The following SLC2A12 variants were observed in gnomAD, a reference collection of about 807,000 sequenced individuals.
The protein encoded by SLC2A12 is solute carrier family 2 member 12, also known as solute carrier family 2, facilitated glucose transporter member 12.
SLC2A12 carries 23 observed loss-of-function variants against 41.8 expected under a neutral mutation model. The observed-to-expected ratio is 0.55, with a 90% CI of 0.40 to 0.78. The LOEUF is 0.78. Among genes scored for constraint, SLC2A12 ranks in the 30% least tolerant of loss-of-function variants. The pLI, the probability that SLC2A12 is intolerant of heterozygous loss-of-function variation, is 0.00. For synonymous variants in SLC2A12, 295 were observed against 285.9 expected (o/e 1.03, Z -0.32); for missense variants, 654 against 745.6 (o/e 0.88, Z 1.43).
chr6:134,010,618 G>T (rs754762887), intron 2 of SLC2A12, among the ~76,000 whole-genome samples: 24 of 152,028 alleles, frequency 1.6e-4, no homozygotes, highest in East Asian at 3.9e-4. Flanking sequence ...TTGGACTTGT[G>T]GGGGGGCGGA....
rs140524619 is a variant in SLC2A12 at position 134,025,090 on chromosome 6, A to G, written c.1444+3291T>C. On this transcript the variant is annotated intron_variant, in intron 2 of 4. Coordinates refer to ENST00000275230, the MANE Select transcript of SLC2A12 (RefSeq NM_145176.3). Reference sequence around the variant, plus strand: ...TCAGAAAAGCAGAGACTATTTCTCTATTTTGCAAAATGCACAATGGTCCAT... The same window carrying G: ...TCAGAAAAGCAGAGACTATTTCTCTGTTTTGCAAAATGCACAATGGTCCAT... Among the ~76,000 whole-genome samples, 12 of 152,334 alleles carry G rather than the reference A, an allele frequency of 7.9e-5. No individual in the cohort carries two copies. In the East Asian group the frequency reaches 2.1e-3, roughly 27 times the overall value.
intron 2 of SLC2A12, among the ~76,000 whole-genome samples, chr6:134,024,071 G>A (rs1331667132): frequency 6.6e-6 from 1 of 152,200 alleles, no homozygotes; most frequent in Non-Finnish European, 1.5e-5. Context: ...CCCTGCTGCC[G>A]ATCACTGGTT....
chr6:133,997,085 CAAAAAAAAAAAAAAA>C (rs58295985), intron 4 of SLC2A12, among the ~76,000 whole-genome samples: 4 of 70,710 alleles, frequency 5.7e-5, no homozygotes, highest in South Asian at 1.5e-3. Flanking sequence ...ACTAAAAATA[CAAAAAAAAAAAAAAA>C]AAAAAAAAAA....
intron 1 of SLC2A12, among the ~76,000 whole-genome samples, chr6:134,040,058 G>GTTTTTTTTTTTTTTTTTT (rs11371413): frequency 7.9e-5 from 11 of 139,312 alleles, no homozygotes; most frequent in Non-Finnish European, 1.1e-4. Context: ...GTTGTTTTTT[G>GTTTTTTTTTTTTTTTTTT]TTTTTTTTTT....
chr6:134,039,978 C>T (rs542146888), intron 1 of SLC2A12, among the ~76,000 whole-genome samples: 1 of 152,244 alleles, frequency 6.6e-6, no homozygotes, highest in East Asian at 1.9e-4. Context: ...CACTATGCTT[C>T]CTGAATAACC....
chr6:134,032,426 T>TATATTTATA (rs1777223371), intron 1 of SLC2A12, among the ~76,000 whole-genome samples: 1 of 35,506 alleles, frequency 2.8e-5, no homozygotes, highest in African/African-American at 1.2e-4. Context: ...ATATATATAT[T>TATATTTATA]TATATATATA....
chr6:134,033,523 A>G (rs757923362), intron 1 of SLC2A12, among the ~76,000 whole-genome samples: 7 of 152,060 alleles, frequency 4.6e-5, no homozygotes, highest in Admixed American at 1.3e-4. Context: ...TGTTTTGGCA[A>G]TTGAGGACTG....
intron 1 of SLC2A12, among the ~76,000 whole-genome samples, chr6:134,048,082 CT>C (rs924405584): frequency 3.3e-5 from 5 of 152,224 alleles, no homozygotes; most frequent in African/African-American, 1.2e-4. Flanking sequence ...TGTTCGCAGC[CT>C]TTTCCCTTCC....
chr6:134,044,240 C>T (rs757870525), intron 1 of SLC2A12, among the ~76,000 whole-genome samples: 5 of 152,168 alleles, frequency 3.3e-5, no homozygotes, highest in Non-Finnish European at 7.3e-5. Context: ...TTCCTGATCC[C>T]TCATCGCTCT....
At chr6:134,023,372 G>A (rs187485254) in intron 2 of SLC2A12, among the ~76,000 whole-genome samples, 1 of 152,184 alleles carries the variant, frequency 6.6e-6, no homozygotes, top group Non-Finnish European at 1.5e-5. Flanking sequence ...CCAGAGCATC[G>A]CTCCGAGTGG....
chr6:133,995,123 C>A (rs536511238), intron 4 of SLC2A12, among the ~76,000 whole-genome samples: 26 of 152,274 alleles, frequency 1.7e-4, no homozygotes, highest in African/African-American at 6.0e-4. Flanking sequence ...ATATAGACAA[C>A]GCTTTAGAAA....
chr6:134,032,596 T>C (rs1161732759), intron 1 of SLC2A12, among the ~76,000 whole-genome samples: 2 of 146,516 alleles, frequency 1.4e-5, no homozygotes, highest in South Asian at 2.1e-4. Flanking sequence ...TCTTCCCTAT[T>C]ATATGCTTTA....
chr6:134,044,242 C>T (rs890589211), intron 1 of SLC2A12, among the ~76,000 whole-genome samples: 2 of 152,200 alleles, frequency 1.3e-5, no homozygotes, highest in African/African-American at 4.8e-5. Flanking sequence ...CCTGATCCCT[C>T]ATCGCTCTCC....
At chr6:133,993,552 T>A (rs1328084449) in intron 4 of SLC2A12, among the ~76,000 whole-genome samples, 1 of 152,224 alleles carries the variant, frequency 6.6e-6, no homozygotes, top group African/African-American at 2.4e-5. Context: ...GTTCCAAGTG[T>A]TGGGAAACAA....
chr6:134,040,058 GTTTTT>G (rs11371413), intron 1 of SLC2A12, among the ~76,000 whole-genome samples: 1 of 139,332 alleles, frequency 7.2e-6, no homozygotes, highest in Non-Finnish European at 1.5e-5. Context: ...GTTGTTTTTT[GTTTTT>G]TTTTTTTTGT....
rs780040439 is a variant in SLC2A12 at position 134,029,720 on chromosome 6, G to A, written c.105C>T (p.Gly35=). ...ATGACAGGAAGGTAAACATGCCGCAGCCTGCAAGCAGAGAGAAGAGACAGG... is the reference window on the plus strand; with the variant it reads ...ATGACAGGAAGGTAAACATGCCGCAACCTGCAAGCAGAGAGAAGAGACAGG... ...SGSRHPPWAR[G]CGMFTFLSSV... Residue 35 remains glycine (G), a splice_region_variant and synonymous_variant, in exon 2 of 5, where the codon GGC becomes GGT. Transcript: ENST00000275230. The A allele has an allele frequency of 2.5e-6, 4 of 1,592,060 alleles. No homozygotes were observed. The Admixed American group carries it at 5.0e-5, about 20-fold the overall frequency.
intron 2 of SLC2A12, among the ~76,000 whole-genome samples, chr6:134,024,534 G>T (rs1375545511): frequency 6.6e-6 from 1 of 152,158 alleles, no homozygotes; most frequent in Non-Finnish European, 1.5e-5. Context: ...ATCATTCACA[G>T]CAGTCCTAAT....
intron 1 of SLC2A12, among the ~76,000 whole-genome samples, chr6:134,050,778 C>T (rs1773671093): frequency 6.6e-6 from 1 of 152,170 alleles, no homozygotes; most frequent in Non-Finnish European, 1.5e-5. Flanking sequence ...AACTTTGCAA[C>T]TCTTTCCCTT....
intron 2 of SLC2A12, among the ~76,000 whole-genome samples, chr6:134,018,998 T>C (rs564775544): frequency 2.0e-5 from 3 of 152,302 alleles, no homozygotes; most frequent in Non-Finnish European, 4.4e-5. Context: ...GGGAGGTTAT[T>C]TGGTGTCATC....
Sources: gnomAD v4.1 joint callset for allele counts (sites outside exome capture counted in the v4.1 genomes callset) on GRCh38, gnomAD v4.1.1 for gene constraint, MANE v1.5 for transcripts, NCBI Gene and HGNC (gene_info 2026-07-23, HGNC 2026-07-21) for gene names.